The following CDKAL1 variants were observed in gnomAD, a reference collection of about 807,000 sequenced individuals.
CDKAL1 encodes the protein CDKAL1 threonylcarbamoyladenosine tRNA methylthiotransferase.
CDKAL1 carries 32 observed loss-of-function variants against 68.2 expected under a neutral mutation model. The observed-to-expected ratio is 0.47, with a 90% CI of 0.35 to 0.63. The LOEUF is 0.63. Ranked by LOEUF, CDKAL1 falls within the 30% of genes least tolerant of loss-of-function variation. The pLI, the probability that CDKAL1 is intolerant of heterozygous loss-of-function variation, is 0.00. For missense variants in CDKAL1, 606 were observed against 696.7 expected, an observed-to-expected ratio of 0.87 and a Z score of 1.47; for synonymous variants, 234 against 244.3, an observed-to-expected ratio of 0.96 and a Z score of 0.39.
At chr6:21,173,349 A>G (rs575275667) in intron 13 of CDKAL1, among the ~76,000 whole-genome samples, 4 of 151,822 alleles carry the variant, frequency 2.6e-5, no homozygotes, top group African/African-American at 7.2e-5. Context: ...GATCTTTTCT[A>G]TTTTTCAATC....
chr6:21,141,749 C>T (rs1562066139), intron 13 of CDKAL1, among the ~76,000 whole-genome samples: 2 of 152,120 alleles, frequency 1.3e-5, no homozygotes, highest in South Asian at 4.1e-4. Context: ...AGGCTTTATT[C>T]GCTCAGTAGC....
At chr6:20,852,354 A>G (rs1355969151) in intron 9 of CDKAL1, among the ~76,000 whole-genome samples, 1 of 152,228 alleles carries the variant, frequency 6.6e-6, no homozygotes, top group Admixed American at 6.5e-5. Flanking sequence ...CTGAACCCTC[A>G]GAATTATTTT....
At chr6:20,784,408 A>ATTTGTTTTT (rs1402113263) in intron 8 of CDKAL1, among the ~76,000 whole-genome samples, 1 of 23,010 alleles carries the variant, frequency 4.3e-5, no homozygotes, top group Admixed American at 5.5e-4. Context: ...CAGATATTTT[A>ATTTGTTTTT]TTTCTTTTTT....
chr6:20,902,747 G>A (rs1762061198), intron 9 of CDKAL1, among the ~76,000 whole-genome samples: 1 of 152,088 alleles, frequency 6.6e-6, no homozygotes, highest in Non-Finnish European at 1.5e-5. Flanking sequence ...ATACAAAAAG[G>A]GAGAGATAGA....
chr6:20,957,008 T>TAAAAA (rs70990087), intron 10 of CDKAL1, among the ~76,000 whole-genome samples: 1,143 of 113,762 alleles, frequency 0.01, 17 homozygotes, highest in Middle Eastern at 0.033. Flanking sequence ...TGATTCTCTG[T>TAAAAA]AAAAAAAAAA....
chr6:21,103,581 T>G (rs1582203933), intron 12 of CDKAL1, among the ~76,000 whole-genome samples: 1 of 152,304 alleles, frequency 6.6e-6, no homozygotes, highest in Non-Finnish European at 1.5e-5. Flanking sequence ...ACTGCCTCAT[T>G]TTTTAAACCC....
intron 4 of CDKAL1, among the ~76,000 whole-genome samples, chr6:20,576,532 A>G (rs1057260243): frequency 6.6e-6 from 1 of 152,176 alleles, no homozygotes; most frequent in African/African-American, 2.4e-5. Flanking sequence ...AGCAATTCTT[A>G]TTTTATTAAC....
intron 15 of CDKAL1, among the ~76,000 whole-genome samples, chr6:21,226,516 G>A (rs921190574): frequency 8.5e-5 from 13 of 152,148 alleles, no homozygotes; most frequent in African/African-American, 1.2e-4. Context: ...ATTTTAGTGC[G>A]CCCCTTAGTC....
chr6:21,044,934 C>T (rs1561985644), intron 11 of CDKAL1, among the ~76,000 whole-genome samples: 1 of 152,206 alleles, frequency 6.6e-6, no homozygotes, highest in Non-Finnish European at 1.5e-5. Context: ...GGAGAAGGCT[C>T]ATTCCTCACA....
chr6:20,952,256 C>G (rs1764572057), intron 9 of CDKAL1, among the ~76,000 whole-genome samples: 1 of 152,130 alleles, frequency 6.6e-6, no homozygotes, highest in Admixed American at 6.5e-5. Flanking sequence ...CTGCGCCCGC[C>G]CCCTCTTTTT....
At chr6:20,992,021 T>C (rs1456272209) in intron 10 of CDKAL1, among the ~76,000 whole-genome samples, 3 of 136,438 alleles carry the variant, frequency 2.2e-5, no homozygotes, top group Non-Finnish European at 4.6e-5. Context: ...CCCACCTTTT[T>C]TTTTCTTTTC....
chr6:20,884,526 G>C (rs1030524857), intron 9 of CDKAL1, among the ~76,000 whole-genome samples: 1 of 152,106 alleles, frequency 6.6e-6, no homozygotes, highest in Non-Finnish European at 1.5e-5. Flanking sequence ...ACAGGAAAAA[G>C]AACTAAAATG....
intron 9 of CDKAL1, among the ~76,000 whole-genome samples, chr6:20,876,387 T>G (rs1760516058): frequency 6.6e-6 from 1 of 152,168 alleles, no homozygotes; most frequent in East Asian, 1.9e-4. Flanking sequence ...GACAGGACAT[T>G]CAGGGTGCCA....
At chr6:20,734,653 GACAGCTATGATTTCGGCTTAGATT>G (rs1252679982) in intron 5 of CDKAL1, among the ~76,000 whole-genome samples, 1 of 152,124 alleles carries the variant, frequency 6.6e-6, no homozygotes, top group East Asian at 1.9e-4. Flanking sequence ...AATATTCCAT[GACAGCTATGATTTCGGCTTAGATT>G]ATAGTTCTGG....
At chr6:20,862,410 T>C (rs1759679235) in intron 9 of CDKAL1, among the ~76,000 whole-genome samples, 2 of 152,220 alleles carry the variant, frequency 1.3e-5, no homozygotes, top group Admixed American at 1.3e-4. Flanking sequence ...ACCTCAGTTT[T>C]CCCATTGTAA....
At chr6:20,988,123 T>G (rs1766576082) in intron 10 of CDKAL1, among the ~76,000 whole-genome samples, 1 of 151,716 alleles carries the variant, frequency 6.6e-6, no homozygotes, top group African/African-American at 2.4e-5. Flanking sequence ...TTTGGTGTTT[T>G]TATCCGTAAC....
At position 21,142,982 on chromosome 6, in the gene CDKAL1, C is replaced by T. The variant is rs529485264; in HGVS notation, c.1299+34519C>T. Among the ~76,000 whole-genome samples the T allele has an allele frequency of 1.2e-4, 19 of 152,228 alleles. 1 individual carries two copies. The South Asian group carries it at 2.3e-3, about 18-fold the overall frequency. On this transcript the variant is annotated intron_variant, in intron 13 of 15. Coordinates refer to ENST00000274695, the MANE Select transcript of CDKAL1 (RefSeq NM_017774.3). ...TGTAGAAAAAAATCCTGCCAGACAGCGTGTCTGCTTTGTTTGGAATAGAAG... is the reference window on the plus strand; with the variant it reads ...TGTAGAAAAAAATCCTGCCAGACAGTGTGTCTGCTTTGTTTGGAATAGAAG...
chr6:20,800,346 T>A (rs925216595), intron 8 of CDKAL1, among the ~76,000 whole-genome samples: 1 of 152,178 alleles, frequency 6.6e-6, no homozygotes, highest in African/African-American at 2.4e-5. Context: ...GACAAATTTA[T>A]GACACACTAC....
chr6:21,206,453 C>T (rs1372836698), intron 15 of CDKAL1, among the ~76,000 whole-genome samples: 1 of 152,072 alleles, frequency 6.6e-6, no homozygotes, highest in East Asian at 1.9e-4. Context: ...CTTGTCTGGC[C>T]TATGTTATAA....
Sources: allele counts gnomAD v4.1 joint callset (sites outside exome capture counted in the v4.1 genomes callset), GRCh38; gene constraint gnomAD v4.1.1; transcripts MANE v1.5; gene names NCBI Gene and HGNC (gene_info 2026-07-23, HGNC 2026-07-21).